The following NREP variants were observed in gnomAD, a reference collection of about 807,000 sequenced individuals.
NREP encodes the protein neuronal regeneration related protein.
A neutral mutation model predicts 8.6 loss-of-function variants in NREP; 5 were observed. The ratio of observed to expected loss-of-function variants is 0.58; its 90% CI spans 0.30 to 1.22. NREP has a LOEUF of 1.22. Among genes scored for constraint, NREP ranks in the 50% most tolerant of loss-of-function variants. The probability of loss-of-function intolerance (pLI) is 0.07; values close to 1 mark genes in which losing one functional copy is unlikely to be tolerated. For synonymous variants in NREP, 27 were observed against 28.0 expected (o/e 0.96, Z 0.11); for missense variants, 86 against 82.5 (o/e 1.04, Z -0.17).
chr5:111,745,435 G>A (rs551876199), intron 2 of NREP, among the ~76,000 whole-genome samples: 1 of 152,232 alleles, frequency 6.6e-6, no homozygotes, highest in East Asian at 1.9e-4. Flanking sequence ...AATGTTCCCT[G>A]GAAGGAAATG....
Position 111,795,573 on chromosome 5 carries a change from T to G in NREP, c.136-60066A>C, listed in dbSNP as rs1007411662. ...TAATTTGTCTAAACTATATGAGAGA[T>G]AAATTCCTTTTACTATTCTTATTAA... On this transcript the variant is annotated intron_variant, in intron 2 of 3. Coordinates refer to the NREP transcript ENST00000395634. Among the ~76,000 whole-genome samples the G allele has an allele frequency of 5.9e-5, 9 of 152,248 alleles. No homozygotes were observed. The East Asian group carries it at 1.2e-3, about 20-fold the overall frequency.
chr5:111,878,469 G>A (rs903059852), intron 2 of NREP, among the ~76,000 whole-genome samples: 4 of 152,220 alleles, frequency 2.6e-5, no homozygotes, highest in East Asian at 1.9e-4. Context: ...AGAACAGCAC[G>A]GGGGACACTG....
intron 2 of NREP, among the ~76,000 whole-genome samples, chr5:111,889,560 C>T (rs1422923249): frequency 6.6e-6 from 1 of 152,152 alleles, no homozygotes; most frequent in African/African-American, 2.4e-5. Context: ...TCAATAGTAC[C>T]CCAAAGTTTT....
At chr5:111,819,589 A>G (rs544009521) in intron 2 of NREP, among the ~76,000 whole-genome samples, 1 of 152,366 alleles carries the variant, frequency 6.6e-6, no homozygotes, top group Non-Finnish European at 1.5e-5. Flanking sequence ...GAATTAGCAA[A>G]TAGTGAACCA....
At chr5:111,820,488 G>A (rs1752491807) in intron 2 of NREP, among the ~76,000 whole-genome samples, 1 of 151,922 alleles carries the variant, frequency 6.6e-6, no homozygotes, top group African/African-American at 2.4e-5. Flanking sequence ...ACTATGTGTG[G>A]GAATGATAAG....
At chr5:111,971,837 AT>A (rs1033441695) in intron 2 of NREP, among the ~76,000 whole-genome samples, 5 of 152,024 alleles carry the variant, frequency 3.3e-5, no homozygotes, top group South Asian at 2.1e-4. Flanking sequence ...CTGGACAATG[AT>A]TTTTTTTAAT....
chr5:111,896,448 G>T (rs1164307217), intron 2 of NREP, among the ~76,000 whole-genome samples: 2 of 152,062 alleles, frequency 1.3e-5, no homozygotes, highest in Non-Finnish European at 1.5e-5. Context: ...CAGGTACTTG[G>T]GTACTTGAGT....
At position 111,785,407 on chromosome 5, in the gene NREP, T is replaced by C. The variant is rs889197870; in HGVS notation, c.136-49900A>G. On this transcript the variant is annotated intron_variant, in intron 2 of 3. Transcript: ENST00000395634. ...AATTCTCCTGCCTCAGCCTCCTGAG[T>C]AGCTGGGAGTACAGGCGCATGCCAC... 3.9e-5 allele frequency among the ~76,000 whole-genome samples: 6 copies of C among 152,194 alleles called. No individual in the cohort carries two copies. The South Asian group carries it at 1.0e-3, about 26-fold the overall frequency.
At chr5:111,775,203 C>T (rs1005088049) in intron 2 of NREP, among the ~76,000 whole-genome samples, 1 of 152,148 alleles carries the variant, frequency 6.6e-6, no homozygotes, top group Non-Finnish European at 1.5e-5. Flanking sequence ...AACTTCAATT[C>T]TTTCAAGTAT....
chr5:111,845,250 CT>C (rs1753132381), intron 2 of NREP, among the ~76,000 whole-genome samples: 1 of 150,260 alleles, frequency 6.7e-6, no homozygotes, highest in Non-Finnish European at 1.5e-5. Context: ...TAATGTGAAA[CT>C]GTCCTTTCTA....
chr5:111,934,592 G>A (rs1755629977), intron 2 of NREP, among the ~76,000 whole-genome samples: 1 of 152,064 alleles, frequency 6.6e-6, no homozygotes, highest in Non-Finnish European at 1.5e-5. Flanking sequence ...TTGCTCCCTG[G>A]AGTTAAACAT....
At chr5:111,873,344 T>A (rs1753831741) in intron 2 of NREP, among the ~76,000 whole-genome samples, 2 of 152,158 alleles carry the variant, frequency 1.3e-5, no homozygotes, top group South Asian at 4.1e-4. Flanking sequence ...AAACTTATTA[T>A]CTAATTGCTA....
intron 2 of NREP, among the ~76,000 whole-genome samples, chr5:111,917,772 G>A (rs1755105430): frequency 1.3e-5 from 2 of 152,148 alleles, no homozygotes; most frequent in Non-Finnish European, 2.9e-5. Context: ...GGCAAAAGCT[G>A]GAAGCATTCC....
intron 2 of NREP, among the ~76,000 whole-genome samples, chr5:111,765,355 G>C (rs1398176246): frequency 6.6e-6 from 1 of 152,174 alleles, no homozygotes; most frequent in Non-Finnish European, 1.5e-5. Context: ...CCATAGACCA[G>C]TACCAGTCTG....
intron 2 of NREP, among the ~76,000 whole-genome samples, chr5:111,958,162 CAA>C (rs1561368537): frequency 1.3e-5 from 2 of 151,510 alleles, no homozygotes; most frequent in South Asian, 4.2e-4. Context: ...CACTTTAACT[CAA>C]AAAAGAGTAA....
intron 2 of NREP, among the ~76,000 whole-genome samples, chr5:111,858,932 C>G (rs900881070): frequency 3.9e-5 from 6 of 151,924 alleles, no homozygotes; most frequent in African/African-American, 1.5e-4. Context: ...CATTTACCAC[C>G]AAGAAGGCAA....
At chr5:111,876,368 C>A (rs772612124) in intron 2 of NREP, among the ~76,000 whole-genome samples, 8 of 152,208 alleles carry the variant, frequency 5.3e-5, no homozygotes, top group Admixed American at 5.2e-4. Flanking sequence ...TCACTTGTTT[C>A]TTGGTTTCAC....
chr5:111,737,715 T>TAAAAAAAA (rs554103997), intron 2 of NREP, among the ~76,000 whole-genome samples: 2 of 119,664 alleles, frequency 1.7e-5, no homozygotes, highest in Non-Finnish European at 3.7e-5. Flanking sequence ...CTCCATTTGC[T>TAAAAAAAA]AAAAAAAAAA....
At chr5:111,781,340 G>A (rs957356640) in intron 2 of NREP, among the ~76,000 whole-genome samples, 6 of 152,110 alleles carry the variant, frequency 3.9e-5, no homozygotes, top group Non-Finnish European at 7.4e-5. Flanking sequence ...CCACCCCTAC[G>A]TGAGGAAGTC....
Sources: allele counts gnomAD v4.1 joint callset (sites outside exome capture counted in the v4.1 genomes callset), GRCh38; gene constraint gnomAD v4.1.1; transcripts MANE v1.5; gene names NCBI Gene and HGNC (gene_info 2026-07-23, HGNC 2026-07-21).